The following EHMT1 variants were observed in gnomAD, a reference collection of about 807,000 sequenced individuals.
The protein encoded by EHMT1 is euchromatic histone lysine methyltransferase 1, also known as histone-lysine N-methyltransferase EHMT1.
EHMT1 carries 15 observed loss-of-function variants against 147.2 expected under a neutral mutation model. The observed-to-expected ratio is 0.10, with a 90% CI of 0.07 to 0.16. EHMT1 has a LOEUF of 0.16. Ranked by LOEUF, EHMT1 falls within the 10% of genes least tolerant of loss-of-function variation. The pLI, the probability that EHMT1 is intolerant of heterozygous loss-of-function variation, is 1.00. For missense variants in EHMT1, 1,587 were observed against 1,772.4 expected, an observed-to-expected ratio of 0.90 and a Z score of 1.88; for synonymous variants, 795 against 709.6, an observed-to-expected ratio of 1.12 and a Z score of -1.91.
chr9:137,783,892 G>A (rs1339186395), intron 15 of EHMT1, among the ~76,000 whole-genome samples: 5 of 152,082 alleles, frequency 3.3e-5, no homozygotes, highest in African/African-American at 4.8e-5. Context: ...CTTTTCCCTC[G>A]TTTTTGGATA....
At chr9:137,709,609 G>T (rs1408707849) in intron 1 of EHMT1, among the ~76,000 whole-genome samples, 1 of 152,174 alleles carries the variant, frequency 6.6e-6, no homozygotes, top group East Asian at 1.9e-4. Flanking sequence ...TCTGTTGAGA[G>T]GCCCCATTGT....
chr9:137,764,720 C>T (rs529355018), intron 10 of EHMT1: 2 of 152,230 alleles, frequency 1.3e-5, no homozygotes, highest in Admixed American at 1.3e-4. Context: ...CTTTTTTTCT[C>T]TCTTTCTAAT....
intron 25 of EHMT1, among the ~76,000 whole-genome samples, chr9:137,831,494 A>T (rs1319561352): frequency 3.9e-5 from 6 of 152,240 alleles, no homozygotes; most frequent in African/African-American, 1.4e-4. Flanking sequence ...CAAATCTCTG[A>T]GATTCTGTTC....
At chr9:137,755,970 G>A (rs1949348233) in intron 8 of EHMT1, among the ~76,000 whole-genome samples, 3 of 152,158 alleles carry the variant, frequency 2.0e-5, no homozygotes, top group Admixed American at 2.0e-4. Flanking sequence ...TGGATGTTTT[G>A]CATGTATTTG....
Position 137,716,898 on chromosome 9 carries a change from A to T in EHMT1, c.358A>T (p.Ile120Phe). ...TADDFVQTSV[I>F]GSNGYILNKP... ...CGACGACTTTGTGCAGACTTCTGTC[A>T]TCGGCAGCAACGGATACATCTTAAA... Residue 120 changes from isoleucine (I) to phenylalanine (F), a missense_variant, in exon 3 of 27, where the codon ATC becomes TTC. By Grantham distance (21) the Ile-to-Phe change is conservative. Around this residue, in one of 7 missense-constraint regions of EHMT1, gnomAD observed 810 missense variants for 673.0 expected, o/e 1.20. Transcript: ENST00000460843. The T allele has an allele frequency of 6.2e-7, 1 of 1,613,156 alleles. No individual in the cohort carries two copies. Among genetic ancestry groups the T allele is most frequent in the South Asian group, 1.1e-5 (1 of 91,086 alleles).
chr9:137,636,136 G>T (rs1470151899), intron 1 of EHMT1, among the ~76,000 whole-genome samples: 2 of 152,170 alleles, frequency 1.3e-5, no homozygotes, highest in Middle Eastern at 3.4e-3. Flanking sequence ...TGGCCAGGCT[G>T]ATCTTGAACT....
At position 137,817,459 on chromosome 9, in the gene EHMT1, G is replaced by A. The variant is rs762881531; in HGVS notation, c.3395G>A (p.Arg1132Gln). The A allele has an allele frequency of 1.3e-5, 21 of 1,614,070 alleles. No homozygotes were observed. Among genetic ancestry groups the A allele is most frequent in the African/African-American group, 1.2e-4 (9 of 74,922 alleles). Residue 1132 changes from arginine to glutamine, a missense_variant, in exon 24 of 27, where the codon CGG becomes CAG. Arg to Gln is a conservative substitution (Grantham distance 43). Coordinates refer to ENST00000460843, the MANE Select transcript of EHMT1 (RefSeq NM_024757.5). ...TTCAGGGCAAGGCTGCAGCTCTACCGGACGCGGGACATGGGCTGGGGCGTG... is the reference window on the plus strand; with the variant it reads ...TTCAGGGCAAGGCTGCAGCTCTACCAGACGCGGGACATGGGCTGGGGCGTG... ...NGLRARLQLYRTRDMGWGVRS... is the reference protein window; with the variant it reads ...NGLRARLQLYQTRDMGWGVRS...
chr9:137,674,251 T>A (rs1042793835), intron 1 of EHMT1, among the ~76,000 whole-genome samples: 1 of 152,140 alleles, frequency 6.6e-6, no homozygotes. Flanking sequence ...CACCAGGGCC[T>A]CCTGAAGGCC....
intron 15 of EHMT1, among the ~76,000 whole-genome samples, chr9:137,790,249 C>T (rs972380280): frequency 1.3e-5 from 2 of 152,216 alleles, no homozygotes; most frequent in African/African-American, 4.8e-5. Context: ...AAGGTTTCAA[C>T]AGCCAAACAG....
intron 3 of EHMT1, among the ~76,000 whole-genome samples, chr9:137,717,711 T>C (rs1945487233): frequency 6.6e-6 from 1 of 152,006 alleles, no homozygotes; most frequent in African/African-American, 2.4e-5. Flanking sequence ...CTTTCTCTTC[T>C]CACAGGATTC....
chr9:137,763,414 G>A (rs996508415), intron 10 of EHMT1: 1 of 180,898 alleles, frequency 5.5e-6, no homozygotes, highest in Non-Finnish European at 1.2e-5. Context: ...GGCTGGCCAT[G>A]GTGAGGGTCT....
chr9:137,737,036 C>T (rs2135937292), intron 4 of EHMT1, among the ~76,000 whole-genome samples: 1 of 152,114 alleles, frequency 6.6e-6, no homozygotes, highest in Non-Finnish European at 1.5e-5. Context: ...AACCCTGTCT[C>T]TTAAAAAAAA....
chr9:137,715,904 A>G, intron 2 of EHMT1: 1 of 898,794 alleles, frequency 1.1e-6, no homozygotes, highest in Non-Finnish European at 1.3e-6. Flanking sequence ...TTCAACGTTA[A>G]TGCTTAAGAA....
chr9:137,742,862 ACAGAGCTTGTGTCCTAGGAAGACTGG>A (rs1368353876), intron 4 of EHMT1: 2 of 200,016 alleles, frequency 1.0e-5, no homozygotes, highest in Non-Finnish European at 2.0e-5. Flanking sequence ...TGGACCTGGC[ACAGAGCTTGTGTCCTAGGAAGACTGG>A]CCTGGCCTGG....
intron 4 of EHMT1, chr9:137,743,044 A>T: frequency 2.7e-6 from 1 of 367,830 alleles, no homozygotes; most frequent in Non-Finnish European, 5.2e-6. Flanking sequence ...GGGGACTGGG[A>T]GGAGGAGTCG....
chr9:137,675,668 C>T (rs1333450222), intron 1 of EHMT1, among the ~76,000 whole-genome samples: 1 of 133,882 alleles, frequency 7.5e-6, no homozygotes, highest in Non-Finnish European at 1.6e-5. Flanking sequence ...GAGTCTCGCT[C>T]TGTCACCAGG....
intron 18 of EHMT1, among the ~76,000 whole-genome samples, chr9:137,805,265 G>A (rs1953849736): frequency 1.3e-5 from 2 of 151,550 alleles, no homozygotes; most frequent in South Asian, 2.1e-4. Context: ...TACATGTAAG[G>A]GTCAGTCATC....
chr9:137,637,210 T>C (rs1050727902), intron 1 of EHMT1, among the ~76,000 whole-genome samples: 3 of 134,406 alleles, frequency 2.2e-5, no homozygotes, highest in African/African-American at 5.7e-5. Flanking sequence ...AGTTTTACTG[T>C]TGTTGCCCAG....
chr9:137,709,864 C>A (rs1017524354), intron 1 of EHMT1, among the ~76,000 whole-genome samples: 7 of 152,136 alleles, frequency 4.6e-5, no homozygotes, highest in Non-Finnish European at 8.8e-5. Context: ...CTGCCCACTT[C>A]CAGCTTCCAG....
Sources: gnomAD v4.1 joint callset for allele counts (sites outside exome capture counted in the v4.1 genomes callset) on GRCh38, gnomAD v4.1.1 for gene constraint, gnomAD v4.1.1 regional missense constraint, MANE v1.5 for transcripts, NCBI Gene and HGNC (gene_info 2026-07-23, HGNC 2026-07-21) for gene names.